Variants in STXBP5L observed in about 807,000 individuals in gnomAD.
STXBP5L encodes syntaxin-binding protein 5-like.
A neutral mutation model predicts 144.5 loss-of-function variants in STXBP5L; 65 were observed. The ratio of observed to expected loss-of-function variants is 0.45; its 90% confidence interval spans 0.37 to 0.55. The LOEUF (loss-of-function observed/expected upper bound fraction) is 0.55. Among genes scored for constraint, STXBP5L ranks in the 20% least tolerant of loss-of-function variants. The probability of loss-of-function intolerance (pLI) is 0.00; values close to 1 mark genes in which losing one functional copy is unlikely to be tolerated. For missense variants in STXBP5L, 1,298 were observed against 1,405.5 expected (o/e 0.92, Z 1.22); for synonymous variants, 505 against 469.6 (o/e 1.08, Z -0.97).
At chr3:121,023,227 C>T (rs1054238777) in intron 3 of STXBP5L, among the ~76,000 whole-genome samples, 1 of 151,956 alleles carries the variant, frequency 6.6e-6, no homozygotes, top group Non-Finnish European at 1.5e-5. Flanking sequence ...CTACAAAACA[C>T]TGCTGAAAGA....
intron 20 of STXBP5L, among the ~76,000 whole-genome samples, chr3:121,328,960 C>T (rs2044237925): frequency 6.6e-6 from 1 of 151,416 alleles, no homozygotes; most frequent in Non-Finnish European, 1.5e-5. Context: ...ATTTTAATTA[C>T]TTAAAAAAAG....
chr3:121,190,022 C>A (rs536101749), intron 9 of STXBP5L, among the ~76,000 whole-genome samples: 329 of 151,468 alleles, frequency 2.2e-3, no homozygotes, highest in Non-Finnish European at 3.7e-3. Flanking sequence ...GGAAAACTGT[C>A]CATTTTAATA....
At chr3:121,293,929 A>G (rs1023704490) in intron 19 of STXBP5L, among the ~76,000 whole-genome samples, 2 of 152,236 alleles carry the variant, frequency 1.3e-5, no homozygotes, top group Non-Finnish European at 2.9e-5. Flanking sequence ...ATCATCTAGA[A>G]ACAGAAAGAA....
rs2046872748 is a variant in STXBP5L, at chr3:121,401,489, C to T, written c.2588-5754C>T. On this transcript the variant is annotated intron_variant, in intron 22 of 26. Coordinates refer to ENST00000471454, the MANE Select transcript of STXBP5L (RefSeq NM_001308330.2). ...ATTCACAATAGCAAAGACTTGGAACCAACCCAAATGTCCAACAATGATAGT... is the reference window on the plus strand; with the variant it reads ...ATTCACAATAGCAAAGACTTGGAACTAACCCAAATGTCCAACAATGATAGT... 3.4e-5 allele frequency among the ~76,000 whole-genome samples: 5 copies of T among 146,668 alleles called. No homozygotes were observed. The South Asian group carries it at 1.1e-3, about 34-fold the overall frequency.
chr3:121,381,647 A>G (rs2046327424), intron 22 of STXBP5L, 115 bp downstream of exon 22: 2 of 1,338,592 alleles, frequency 1.5e-6, no homozygotes, highest in Non-Finnish European at 2.0e-6. Flanking sequence ...ATTCTGCACA[A>G]TGGGAACTAT....
At chr3:121,004,443 A>T (rs1044626202) in intron 3 of STXBP5L, among the ~76,000 whole-genome samples, 1 of 151,572 alleles carries the variant, frequency 6.6e-6, no homozygotes, top group Non-Finnish European at 1.5e-5. Context: ...GCTTAAGGAG[A>T]TTTGGGGCTG....
chr3:121,091,030 G>T (rs1207756742), intron 5 of STXBP5L, among the ~76,000 whole-genome samples: 3 of 148,900 alleles, frequency 2.0e-5, no homozygotes, highest in East Asian at 2.0e-4. Context: ...TATGCGGTGT[G>T]TGGTTTTTTG....
chr3:121,014,810 G>T lies in STXBP5L; in HGVS notation c.288-26890G>T, dbSNP rs902432567. On this transcript the variant is annotated intron_variant, in intron 3 of 26. Coordinates refer to ENST00000471454, the MANE Select transcript of STXBP5L (RefSeq NM_001308330.2). ...CAATGAATCTAAAAAGCAACTATTAGACCTAATAAGTAAACTTAGCAAGAT... is the reference window on the plus strand; with the variant it reads ...CAATGAATCTAAAAAGCAACTATTATACCTAATAAGTAAACTTAGCAAGAT... Among the ~76,000 whole-genome samples, 14 of 151,888 alleles carry T rather than the reference G, an allele frequency of 9.2e-5. No individual in the cohort carries two copies. The South Asian group carries it at 2.7e-3, about 29-fold the overall frequency.
chr3:120,968,126 G>A (rs1024610865), intron 3 of STXBP5L, among the ~76,000 whole-genome samples: 1 of 152,180 alleles, frequency 6.6e-6, no homozygotes, highest in Non-Finnish European at 1.5e-5. Context: ...ATTTGGTCAA[G>A]AGTTCAGTTT....
chr3:121,161,594 G>C (rs1294318457), intron 9 of STXBP5L, among the ~76,000 whole-genome samples: 1 of 151,964 alleles, frequency 6.6e-6, no homozygotes, highest in Non-Finnish European at 1.5e-5. Context: ...ATCATCAGCT[G>C]TTTTACTCAA....
chr3:121,237,578 C>T (rs916626983), intron 12 of STXBP5L, among the ~76,000 whole-genome samples: 10 of 152,224 alleles, frequency 6.6e-5, no homozygotes, highest in Admixed American at 3.3e-4. Context: ...TTAGATTCCT[C>T]TCCTGAAAAC....
At chr3:120,964,349 A>G (rs1030656779) in intron 3 of STXBP5L, among the ~76,000 whole-genome samples, 2 of 151,778 alleles carry the variant, frequency 1.3e-5, no homozygotes, top group African/African-American at 4.8e-5. Flanking sequence ...TTCTCTAGTT[A>G]TATTAAGTGT....
chr3:121,150,074 T>C (rs1020094930), intron 7 of STXBP5L, among the ~76,000 whole-genome samples: 2 of 152,112 alleles, frequency 1.3e-5, no homozygotes, highest in Non-Finnish European at 2.9e-5. Flanking sequence ...TATTTTTTAG[T>C]TTTCAAAATA....
rs139627421 is a variant in STXBP5L at position 121,288,344 on chromosome 3, C to T, written c.2110+8388C>T. 2.4e-3 allele frequency among the ~76,000 whole-genome samples: 367 copies of T among 152,208 alleles called. 1 individual carries two copies. Among genetic ancestry groups the T allele is most frequent in the African/African-American group, 7.6e-3 (316 of 41,542 alleles). The stretch of plus-strand genomic sequence containing the variant: ...TGGTAAACCACAAGTTATATTTCTT[C>T]GGGTATATACATAATAGTGGGATTG... On this transcript the variant is annotated intron_variant, in intron 19 of 26. Coordinates refer to ENST00000471454, the MANE Select transcript of STXBP5L (RefSeq NM_001308330.2).
intron 22 of STXBP5L, among the ~76,000 whole-genome samples, chr3:121,383,314 C>T (rs1368329740): frequency 6.6e-6 from 1 of 151,624 alleles, no homozygotes; most frequent in Admixed American, 6.6e-5. Flanking sequence ...TGTGTGTGTG[C>T]CTGAGCCAGA....
chr3:121,410,190 A>T (rs1227623892), intron 23 of STXBP5L, among the ~76,000 whole-genome samples: 2 of 151,826 alleles, frequency 1.3e-5, no homozygotes, highest in Non-Finnish European at 2.9e-5. Flanking sequence ...TGGGGGGGAA[A>T]AAAGGTCTAT....
intron 10 of STXBP5L, among the ~76,000 whole-genome samples, chr3:121,216,632 T>A (rs338960): frequency 0.62 from 93,880 of 151,984 alleles, 29,210 homozygotes; most frequent in East Asian, 0.8. Flanking sequence ...CACTGCTGGG[T>A]TGTGTCTCCC....
At chr3:121,287,641 CA>C (rs1313733547) in intron 19 of STXBP5L, among the ~76,000 whole-genome samples, 2 of 151,898 alleles carry the variant, frequency 1.3e-5, no homozygotes, top group Non-Finnish European at 2.9e-5. Flanking sequence ...CCAGCCTGAC[CA>C]ACATGGTGAA....
intron 2 of STXBP5L, among the ~76,000 whole-genome samples, chr3:120,936,670 C>T (rs1328235338): frequency 2.6e-5 from 4 of 151,628 alleles, no homozygotes; most frequent in Non-Finnish European, 4.4e-5. Context: ...AGGGCAGTGG[C>T]GTGATCTCGG....
Sources: gnomAD v4.1 joint callset for allele counts (sites outside exome capture counted in the v4.1 genomes callset) on GRCh38, gnomAD v4.1.1 for gene constraint, MANE v1.5 for transcripts, NCBI Gene and HGNC (gene_info 2026-07-23, HGNC 2026-07-21) for gene names.